The following KLF11 variants were observed in gnomAD, a reference collection of about 807,000 sequenced individuals.
The protein encoded by KLF11 is Krueppel-like factor 11.
Under a neutral mutation model 29.9 loss-of-function variants are expected in KLF11, and 26 were observed. The observed-to-expected ratio is 0.87, with a 90% CI of 0.64 to 1.21. The LOEUF (loss-of-function observed/expected upper bound fraction) is 1.21. Among genes scored for constraint, KLF11 ranks in the 50% most tolerant of loss-of-function variants. KLF11 has a pLI of 0.00. For synonymous variants in KLF11, 318 were observed against 257.4 expected (o/e 1.24, Z -2.25); for missense variants, 778 against 665.7 (o/e 1.17, Z -1.86).
rs1228018969 is a variant in KLF11 at position 10,048,446 on chromosome 2, C to T, written c.1109C>T (p.Ala370Val). The T allele has an allele frequency of 1.9e-6, 3 of 1,613,960 alleles. No individual in the cohort carries two copies. The highest frequency in any genetic ancestry group is 1.7e-5 in the Admixed American group (1 of 59,998). ...GGGAATACCAAGTTGTTGCCCCTTG[C>T]CCCTGCTCCAGTGTTCATCACCTCT... ...AAGNTKLLPL[A>V]PAPVFITSSQ... is the part of the protein sequence containing the mutation. The change falls in exon 3 of 4, where the codon GCC (alanine) becomes GTC (valine). Residue 370 changes from alanine (A) to valine (V), a missense_variant. Transcript: ENST00000305883.
rs1661487756 is a variant in KLF11, at chr2:10,054,135, G to A, written c.*1628G>A. 6.6e-6 allele frequency: 1 copy of A among 152,090 alleles called. No individual in the cohort carries two copies. The highest frequency in any genetic ancestry group is 2.4e-5 in the African/African-American group (1 of 41,414). 9.4% of individuals were successfully genotyped at this position (152,090 alleles called of 1,614,324 possible). A position where few individuals can be genotyped will look rare whatever the true frequency, so the allele number is the denominator to read the frequency against. On this transcript the variant is annotated 3_prime_UTR_variant, in exon 4 of 4. Transcript: ENST00000305883. ...TGTGTTATTCAGAGGTTTTCAGTCT[G>A]GACACTCCATAGGTGAGTGTCGTGT...
Position 10,054,598 on chromosome 2 carries a change from C to G in KLF11, c.*2091C>G, listed in dbSNP as rs1171936169. 1 of 152,682 alleles carries G rather than the reference C, an allele frequency of 6.5e-6. No individual in the cohort carries two copies. The highest frequency in any genetic ancestry group is 2.4e-5 in the African/African-American group (1 of 41,464). The allele number at this position is 152,682 out of a possible 1,614,324, so 9.5% of individuals were successfully genotyped here. ...CCTTGTGTATGGATTCGGCATGGAG[C>G]CCTCAGCTGGCGGCTCTGGGTGCTG... On this transcript the variant is annotated 3_prime_UTR_variant, in exon 4 of 4. Coordinates refer to ENST00000305883, the MANE Select transcript of KLF11 (RefSeq NM_003597.5).
Position 10,048,580 on chromosome 2 carries a change from C to G in KLF11, c.1243C>G (p.Leu415Val). 6.2e-7 allele frequency: 1 copy of G among 1,602,920 alleles called. No individual in the cohort carries two copies. Among genetic ancestry groups the G allele is most frequent in the Non-Finnish European group, 8.5e-7 (1 of 1,179,634 alleles). ...YFKSSHLKAH[L>V]RTHTGEKPFN... ...CAAAAGTTCCCACCTTAAGGCCCATCTTCGCACTCACACAGGTAAGCGCTG... is the reference window on the plus strand; with the variant it reads ...CAAAAGTTCCCACCTTAAGGCCCATGTTCGCACTCACACAGGTAAGCGCTG... The change falls in exon 3 of 4, where the codon CTT (leucine) becomes GTT (valine). Residue 415 changes from leucine to valine, a missense_variant. Coordinates refer to ENST00000305883, the MANE Select transcript of KLF11 (RefSeq NM_003597.5).
chr2:10,047,361 G>A (rs1228254720), intron 2 of KLF11, among the ~76,000 whole-genome samples: 1 of 152,236 alleles, frequency 6.6e-6, no homozygotes, highest in African/African-American at 2.4e-5. Context: ...GGGATAGGAA[G>A]GGCCTGTGGG....
chr2:10,053,892 A>G lies in KLF11; in HGVS notation c.*1385A>G, dbSNP rs963260682. 2 of 153,430 alleles carry G rather than the reference A, an allele frequency of 1.3e-5. No individual in the cohort carries two copies. The highest frequency in any genetic ancestry group is 4.8e-5 in the African/African-American group (2 of 41,504). The allele number at this position is 153,430 out of a possible 1,614,324, so 9.5% of individuals were successfully genotyped here. A position where few individuals can be genotyped will look rare whatever the true frequency, so the allele number is the denominator to read the frequency against. On this transcript the variant is annotated 3_prime_UTR_variant, in exon 4 of 4. Transcript: ENST00000305883. ...TGTTGCACTAATTTGGTAGCCTGGG[A>G]ATTTTTTTTATTGTGCAGTATGTAT...
At chr2:10,048,637 T>A (rs528538576) in intron 3 of KLF11, 42 bp downstream of exon 3, 1 of 1,468,572 alleles carries the variant, frequency 6.8e-7, no homozygotes, top group South Asian at 1.1e-5. Context: ...CACCAGACCC[T>A]GTGGTTAGGA....
chr2:10,044,302 G>T, intron 1 of KLF11: 1 of 984,362 alleles, frequency 1.0e-6, no homozygotes, highest in Non-Finnish European at 1.2e-6. Context: ...GCGGGGCAAC[G>T]CTTGGAGGCG....
Position 10,046,168 on chromosome 2 carries a change from T to G in KLF11, c.61T>G (p.Cys21Gly), listed in dbSNP as rs759576007. Reference sequence around the variant, plus strand: ...CCTTTAGGTTGACATCATGGACATATGTGAGTCCATCCTGGAGAGGAAGCG... The same window carrying G: ...CCTTTAGGTTGACATCATGGACATAGGTGAGTCCATCCTGGAGAGGAAGCG... ...DARAVDIMDI[C>G]ESILERKRHD... Residue 21 changes from cysteine (C) to glycine (G), a missense_variant, in exon 2 of 4, where the codon TGT becomes GGT. By Grantham distance (159) the Cys-to-Gly change is radical (BLOSUM62 -3). Coordinates refer to ENST00000305883, the MANE Select transcript of KLF11 (RefSeq NM_003597.5). 2 of 1,613,832 alleles carry G rather than the reference T, an allele frequency of 1.2e-6. No individual in the cohort carries two copies. The highest frequency in any genetic ancestry group is 8.5e-7 in the Non-Finnish European group (1 of 1,180,034).
At position 10,048,324 on chromosome 2, in the gene KLF11, C is replaced by T. The variant is rs371589306; in HGVS notation, c.987C>T (p.Phe329=). The change falls in exon 3 of 4, where the codon TTC becomes TTT. Residue 329 remains phenylalanine (F), a synonymous_variant. Transcript: ENST00000305883. ...AQAAPAPQPV[F]VGPAVPQGAV... ...CTGCTCCAGCGCCTCAACCTGTGTT[C>T]GTGGGACCTGCTGTGCCTCAGGGAG... 5.1e-5 allele frequency: 82 copies of T among 1,601,162 alleles called. No homozygotes were observed. The African/African-American group carries it at 8.2e-4, about 16-fold the overall frequency.
At chr2:10,046,515 C>T (rs368432202) in intron 2 of KLF11, 96 bp downstream of exon 2, 93 of 1,388,556 alleles carry the variant, frequency 6.7e-5, no homozygotes, top group Non-Finnish European at 8.9e-5. Flanking sequence ...CCCTGGGATG[C>T]TGGCAAATAA....
In KLF11 at chr2:10,052,314, C is replaced by T; in HGVS notation, c.1346C>T (p.Thr449Ile). The change falls in exon 4 of 4, where the codon ACA (threonine) becomes ATA (isoleucine). Residue 449 changes from threonine to isoleucine, a missense_variant. Physicochemically the swap from Thr to Ile is moderately conservative, Grantham distance 89. Coordinates refer to ENST00000305883, the MANE Select transcript of KLF11 (RefSeq NM_003597.5). ...CTGTCACGCCACCGCAGAACTCACA[C>T]AGGGGAGAAGAAGTTTGTGTGCCCG... ...DELSRHRRTHTGEKKFVCPVC... is the reference protein window; with the variant it reads ...DELSRHRRTHIGEKKFVCPVC... 6.2e-7 allele frequency: 1 copy of T among 1,614,176 alleles called. No individual in the cohort carries two copies. Among genetic ancestry groups the T allele is most frequent in the Non-Finnish European group, 8.5e-7 (1 of 1,180,044 alleles).
rs759816118 is a variant in KLF11, at chr2:10,046,226, T to C, written c.119T>C (p.Leu40Ser). The stretch of plus-strand genomic sequence containing the variant: ...AGCGAAAGGTCTACTTGCAGCATCT[T>C]GGAGCAGACAGACATGGAAGCTGTC... ...HDSERSTCSI[L>S]EQTDMEAVEA... Residue 40 changes from leucine (L) to serine (S), a missense_variant, in exon 2 of 4, where the codon TTG (leucine) becomes TCG (serine). Physicochemically the swap from Leu to Ser is moderately radical, Grantham distance 145. Transcript: ENST00000305883. 3 of 1,614,084 alleles carry C rather than the reference T, an allele frequency of 1.9e-6. No individual in the cohort carries two copies. The highest frequency in any genetic ancestry group is 2.5e-6 in the Non-Finnish European group (3 of 1,180,026).
rs1353909810 is a variant in KLF11, at chr2:10,048,226, A to G, written c.889A>G (p.Ser297Gly). ...GATGATCCCTGTGACTGGACAAAGT[A>G]GCATGTTACCAGCTTTTTTGAAGCC... is the stretch of plus-strand genomic sequence containing the variant. ...CQMIPVTGQS[S>G]MLPAFLKPPP... The change falls in exon 3 of 4, where the codon AGC becomes GGC. Residue 297 changes from serine to glycine, a missense_variant. By Grantham distance (56) the Ser-to-Gly change is moderately conservative (BLOSUM62 0). Coordinates refer to ENST00000305883, the MANE Select transcript of KLF11 (RefSeq NM_003597.5). 1 of 1,614,020 alleles carries G rather than the reference A, an allele frequency of 6.2e-7. No homozygotes were observed. The highest frequency in any genetic ancestry group is 1.7e-5 in the Admixed American group (1 of 60,020).
chr2:10,050,891 C>CA (rs1558350563), intron 3 of KLF11, among the ~76,000 whole-genome samples: 2 of 42,038 alleles, frequency 4.8e-5, no homozygotes, highest in African/African-American at 1.5e-4. Context: ...ATAGATGCTA[C>CA]CTTTTTTTTT....
At chr2:10,051,739 G>T (rs928781564) in intron 3 of KLF11, among the ~76,000 whole-genome samples, 1 of 143,564 alleles carries the variant, frequency 7.0e-6, no homozygotes, top group East Asian at 2.2e-4. Context: ...GGATGGTCTC[G>T]GTCTTCTGAC....
In KLF11 at chr2:10,052,470, C is replaced by T. The variant is rs377358836; in HGVS notation, c.1502C>T (p.Pro501Leu). ...AACAGAATCGCCTCTGCAGAGAGCC[C>T]GGGGAGCCCACTGGTGAGCATGCCA... ...KLNRIASAES[P>L]GSPLVSMPAS... The change falls in exon 4 of 4, where the codon CCG (proline) becomes CTG (leucine). Residue 501 changes from proline to leucine, a missense_variant. Physicochemically the swap from Pro to Leu is moderately conservative, Grantham distance 98. Transcript: ENST00000305883. 98 of 1,613,870 alleles carry T rather than the reference C, an allele frequency of 6.1e-5. No homozygotes were observed. Among genetic ancestry groups the T allele is most frequent in the South Asian group, 3.7e-4 (34 of 91,076 alleles).
In KLF11 at chr2:10,043,756, G is replaced by T; in HGVS notation, c.40G>T (p.Ala14Ser). 7.2e-7 allele frequency: 1 copy of T among 1,380,644 alleles called. No homozygotes were observed. Among genetic ancestry groups the T allele is most frequent in the Non-Finnish European group, 9.5e-7 (1 of 1,051,316 alleles). The allele number at this position is 1,380,644 out of a possible 1,614,324, so 85.5% of individuals were successfully genotyped here. A position where few individuals can be genotyped will look rare whatever the true frequency, so the allele number is the denominator to read the frequency against. ...PDFAGPDDAR[A>S]VDIMDICESI... ...CTTCGCAGGCCCAGACGACGCGCGCGCAGTGAGTGGTGGGGCTGCCGCGGC... is the reference window on the plus strand; with the variant it reads ...CTTCGCAGGCCCAGACGACGCGCGCTCAGTGAGTGGTGGGGCTGCCGCGGC... Residue 14 changes from alanine to serine, a missense_variant and splice_region_variant, in exon 1 of 4, where the codon GCA becomes TCA. Ala to Ser is a moderately conservative substitution (Grantham distance 99). Transcript: ENST00000305883.
rs973406731 is a variant in KLF11 at position 10,052,945 on chromosome 2, C to T, written c.*438C>T. ...ATTTCTAGCTAGATCATTTTGCAGCCTTCTTTTCAGTGTTTAATAACAAAG... is the reference window on the plus strand; with the variant it reads ...ATTTCTAGCTAGATCATTTTGCAGCTTTCTTTTCAGTGTTTAATAACAAAG... On this transcript the variant is annotated 3_prime_UTR_variant, in exon 4 of 4. Transcript: ENST00000305883. 11 of 336,396 alleles carry T rather than the reference C, an allele frequency of 3.3e-5. No individual in the cohort carries two copies. The highest frequency in any genetic ancestry group is 2.3e-4 in the African/African-American group (11 of 47,338). 20.8% of individuals were successfully genotyped at this position (336,396 alleles called of 1,614,324 possible).
At chr2:10,045,171 A>G (rs1661151704) in intron 1 of KLF11, among the ~76,000 whole-genome samples, 1 of 150,734 alleles carries the variant, frequency 6.6e-6, no homozygotes, top group Non-Finnish European at 1.5e-5. Flanking sequence ...GGCGCCTGTA[A>G]TCCCAGCACT....
Sources: gnomAD v4.1 joint callset for allele counts (sites outside exome capture counted in the v4.1 genomes callset) on GRCh38, gnomAD v4.1.1 for gene constraint, MANE v1.5 for transcripts, NCBI Gene and HGNC (gene_info 2026-07-23, HGNC 2026-07-21) for gene names.